TMTC1: variants seen among roughly 807,000 people sequenced by gnomAD.
The protein encoded by TMTC1 is protein O-mannosyl-transferase TMTC1.
TMTC1 carries 73 observed loss-of-function variants against 104.8 expected under a neutral mutation model. The observed-to-expected ratio is 0.70, with a 90% CI of 0.58 to 0.85. TMTC1 has a LOEUF of 0.85. TMTC1 is among the 40% of genes least tolerant of loss of function. TMTC1 has a pLI of 0.00. For synonymous variants in TMTC1, 434 were observed against 428.7 expected (o/e 1.01, Z -0.15); for missense variants, 1,035 against 1,096.1 (o/e 0.94, Z 0.79).
intron 5 of TMTC1, among the ~76,000 whole-genome samples, chr12:29,739,345 C>A (rs1452643729): frequency 6.6e-6 from 1 of 152,090 alleles, no homozygotes; most frequent in Non-Finnish European, 1.5e-5. Flanking sequence ...TGCAGTTGCA[C>A]ACCTCTGTGT....
intron 6 of TMTC1, among the ~76,000 whole-genome samples, chr12:29,623,135 A>C (rs904365272): frequency 9.2e-5 from 14 of 152,232 alleles, no homozygotes; most frequent in African/African-American, 3.4e-4. Context: ...ATGGTGTCTA[A>C]CTTAACTTAC....
intron 9 of TMTC1, among the ~76,000 whole-genome samples, chr12:29,560,896 C>T (rs991956015): frequency 9.9e-5 from 15 of 152,022 alleles, no homozygotes; most frequent in South Asian, 8.3e-4. Context: ...AAATAGAAGG[C>T]GGGAACAAAA....
chr12:29,512,391 A>C (rs11050261), intron 16 of TMTC1, among the ~76,000 whole-genome samples: 1 of 152,198 alleles, frequency 6.6e-6, no homozygotes, highest in African/African-American at 2.4e-5. Flanking sequence ...GATTTCTATT[A>C]TATCACATCA....
chr12:29,517,330 G>A (rs761400404), intron 14 of TMTC1, 97 bp downstream of exon 14: 14 of 1,350,670 alleles, frequency 1.0e-5, no homozygotes, highest in South Asian at 2.7e-5. Flanking sequence ...GATATATTAC[G>A]GCATTCCAGC....
At chr12:29,568,041 T>TA (rs1321326861) in intron 9 of TMTC1, among the ~76,000 whole-genome samples, 1 of 152,170 alleles carries the variant, frequency 6.6e-6, no homozygotes, top group Non-Finnish European at 1.5e-5. Context: ...GCAATGTCCT[T>TA]ACAAAGTTCC....
intron 9 of TMTC1, among the ~76,000 whole-genome samples, chr12:29,564,621 C>T (rs138563884): frequency 2.6e-5 from 4 of 152,210 alleles, no homozygotes; most frequent in African/African-American, 9.6e-5. Flanking sequence ...AGAGCAGTTT[C>T]ACATGTGGGG....
chr12:29,721,559 T>C (rs1249998045), intron 5 of TMTC1, among the ~76,000 whole-genome samples: 2 of 152,034 alleles, frequency 1.3e-5, no homozygotes, highest in African/African-American at 4.8e-5. Context: ...AAAGCAAAAG[T>C]GACAGAATTC....
intron 10 of TMTC1, among the ~76,000 whole-genome samples, chr12:29,543,029 G>T (rs575913311): frequency 6.6e-6 from 1 of 152,070 alleles, no homozygotes; most frequent in African/African-American, 2.4e-5. Flanking sequence ...GCTTCCAAAA[G>T]GCTAAAAAAT....
chr12:29,741,438 A>G (rs940652641), intron 5 of TMTC1, among the ~76,000 whole-genome samples: 1 of 152,204 alleles, frequency 6.6e-6, no homozygotes, highest in Non-Finnish European at 1.5e-5. Context: ...CAGACTTTCC[A>G]GAGAGTATCA....
chr12:29,612,338 C>T (rs1204138299), intron 6 of TMTC1, among the ~76,000 whole-genome samples: 1 of 152,116 alleles, frequency 6.6e-6, no homozygotes, highest in Non-Finnish European at 1.5e-5. Context: ...TGGCACACAA[C>T]ACATATTTCT....
At chr12:29,640,517 G>C (rs917776803) in intron 5 of TMTC1, 1 of 152,218 alleles carries the variant, frequency 6.6e-6, no homozygotes, top group African/African-American at 2.4e-5. Flanking sequence ...CCCACAACTG[G>C]AGAAGCTGAA....
intron 7 of TMTC1, among the ~76,000 whole-genome samples, chr12:29,590,459 A>G (rs577050096): frequency 7.1e-4 from 108 of 152,336 alleles, no homozygotes; most frequent in African/African-American, 2.5e-3. Context: ...ACAACTTTGT[A>G]TCAGCCCACT....
At position 29,687,175 on chromosome 12, in the gene TMTC1, C is replaced by T. The variant is rs138041404; in HGVS notation, c.939-53839G>A. On this transcript the variant is annotated intron_variant, in intron 5 of 17. Transcript: ENST00000539277. ...ATATATCCCATATTTCCACAATATA[C>T]TTATTAATTACAAGAGGAGGAAATA... 3.6e-3 allele frequency among the ~76,000 whole-genome samples: 554 copies of T among 152,224 alleles called. 5 individuals carry two copies. The highest frequency in any genetic ancestry group is 0.013 in the African/African-American group (537 of 41,530).
intron 11 of TMTC1, among the ~76,000 whole-genome samples, chr12:29,523,025 G>T (rs905685491): frequency 6.6e-6 from 1 of 152,162 alleles, no homozygotes; most frequent in Admixed American, 6.5e-5. Context: ...TGGGCCAATG[G>T]GGAATTGGGG....
chr12:29,783,433 C>A lies in TMTC1; in HGVS notation c.302+17G>T, dbSNP rs974963951. ...GTAGAGGAGGCAGCGGCGGCTAGCG[C>A]GAGGTGAGGGACTCACTTGAAGGTG... On this transcript the variant is annotated intron_variant, in intron 1 of 17. Coordinates refer to ENST00000539277, the MANE Select transcript of TMTC1 (RefSeq NM_001193451.2). The surrounding 1 kb of genome is among the most constrained non-coding windows in gnomAD (Gnocchi z 4.7). The A allele has an allele frequency of 3.1e-6, 4 of 1,289,858 alleles. No homozygotes were observed. Among genetic ancestry groups the A allele is most frequent in the South Asian group, 4.7e-5 (2 of 42,530 alleles). 79.9% of individuals were successfully genotyped at this position (1,289,858 alleles called of 1,614,324 possible).
At chr12:29,541,512 T>C (rs1469907969) in intron 10 of TMTC1, among the ~76,000 whole-genome samples, 1 of 152,176 alleles carries the variant, frequency 6.6e-6, no homozygotes, top group Non-Finnish European at 1.5e-5. Flanking sequence ...TCTTAATTTT[T>C]AAAACCAAGG....
intron 5 of TMTC1, among the ~76,000 whole-genome samples, chr12:29,725,727 C>T (rs138756838): frequency 1.3e-5 from 2 of 152,126 alleles, no homozygotes; most frequent in Non-Finnish European, 2.9e-5. Context: ...TCAGGAAAAA[C>T]GTTTATTTGA....
chr12:29,630,941 A>C (rs1033021084), intron 6 of TMTC1, among the ~76,000 whole-genome samples: 3 of 152,192 alleles, frequency 2.0e-5, no homozygotes, highest in African/African-American at 7.2e-5. Flanking sequence ...CTTTTTAATG[A>C]TAGTCATTAT....
chr12:29,764,929 T>C (rs1943429232), intron 2 of TMTC1, among the ~76,000 whole-genome samples: 1 of 152,208 alleles, frequency 6.6e-6, no homozygotes, highest in South Asian at 2.1e-4. Context: ...TTTTATGCAC[T>C]CTCTCTCTGA....
Sources: allele counts gnomAD v4.1 joint callset (sites outside exome capture counted in the v4.1 genomes callset), GRCh38; gene constraint gnomAD v4.1.1; non-coding constraint Gnocchi (gnomAD v3.1); transcripts MANE v1.5; gene names NCBI Gene and HGNC (gene_info 2026-07-23, HGNC 2026-07-21).